ITGAL: variants seen among roughly 807,000 people sequenced by gnomAD.
ITGAL encodes integrin subunit alpha L, also known as integrin alpha-L.
Under a neutral mutation model 138.4 loss-of-function variants are expected in ITGAL, and 68 were observed. That is an observed-to-expected ratio of 0.49 (90% CI 0.40 to 0.60). ITGAL has a LOEUF of 0.60. ITGAL is among the 20% of genes least tolerant of loss of function. The pLI is 0.00. For missense variants in ITGAL, 1,256 were observed against 1,478.6 expected (o/e 0.85, Z 2.47); for synonymous variants, 561 against 584.3 (o/e 0.96, Z 0.57).
At position 30,517,629 on chromosome 16, in the gene ITGAL, G is replaced by A; in HGVS notation, c.2977-20G>A. ...CTGGGTTGGGGAGGCTCTAACTGAAGACCTGCCGCTTGTTCCTAGGAGCCT... is the reference window on the plus strand; with the variant it reads ...CTGGGTTGGGGAGGCTCTAACTGAAAACCTGCCGCTTGTTCCTAGGAGCCT... On this transcript the variant is annotated intron_variant, in intron 26 of 30. Transcript: ENST00000356798. The A allele has an allele frequency of 6.2e-7, 1 of 1,611,258 alleles. No individual in the cohort carries two copies. Among genetic ancestry groups the A allele is most frequent in the Non-Finnish European group, 8.5e-7 (1 of 1,177,484 alleles).
intron 11 of ITGAL, among the ~76,000 whole-genome samples, chr16:30,490,725 C>T (rs767985036): frequency 1.3e-5 from 2 of 152,046 alleles, no homozygotes; most frequent in Admixed American, 6.6e-5. Context: ...TTAAGGCTTC[C>T]TCCTCTTGAA....
intron 17 of ITGAL, among the ~76,000 whole-genome samples, chr16:30,502,822 T>G (rs1363586169): frequency 1.3e-5 from 2 of 151,940 alleles, no homozygotes; most frequent in Admixed American, 6.6e-5. Context: ...TTAAACTTTT[T>G]TTTTTTTTTG....
chr16:30,494,509 G>T lies in ITGAL; in HGVS notation c.1365+146G>T. On this transcript the variant is annotated intron_variant, in intron 12 of 30. Coordinates refer to ENST00000356798, the MANE Select transcript of ITGAL (RefSeq NM_002209.3). The surrounding 1 kb of genome is among the most constrained non-coding windows in gnomAD (Gnocchi z 4.2). ...CATTTATCCCTCATAACACACAGAG[G>T]TAAGCCCTGTCATCTCCCTCTCTAG... 9.0e-7 allele frequency: 1 copy of T among 1,105,136 alleles called. No homozygotes were observed. The highest frequency in any genetic ancestry group is 1.3e-6 in the Non-Finnish European group (1 of 789,394). The allele number at this position is 1,105,136 out of a possible 1,614,324, so 68.5% of individuals were successfully genotyped here.
intron 9 of ITGAL, among the ~76,000 whole-genome samples, chr16:30,485,360 G>A (rs1196304263): frequency 7.2e-6 from 1 of 139,310 alleles, no homozygotes; most frequent in Non-Finnish European, 1.5e-5. Flanking sequence ...CCGAGCAGCT[G>A]GGACTACAGG....
chr16:30,505,321 G>A (rs762281268), intron 19 of ITGAL, 21 bp downstream of exon 19: 5 of 1,613,300 alleles, frequency 3.1e-6, no homozygotes, highest in East Asian at 4.5e-5. Context: ...AGAAGGGGCA[G>A]GCAGAGAGGC....
intron 15 of ITGAL, 116 bp from the exon 16 acceptor site, chr16:30,498,958 T>C: frequency 1.3e-6 from 1 of 789,224 alleles, no homozygotes; most frequent in East Asian, 2.7e-5. Context: ...CAGTGACATG[T>C]TGAGGTCTGC....
In ITGAL at chr16:30,481,502, C is replaced by A; in HGVS notation, c.640C>A (p.Arg214=). 1 of 1,612,878 alleles carries A rather than the reference C, an allele frequency of 6.2e-7. No homozygotes were observed. The highest frequency in any genetic ancestry group is 1.1e-5 in the South Asian group (1 of 90,970). Residue 214 remains arginine, a synonymous_variant, in exon 7 of 31, where the codon CGG becomes AGG. Transcript: ENST00000356798. ...TEFDFSDYVK[R]KDPDALLKHV... ...ATTTGATTTCTCAGATTATGTTAAA[C>A]GGAAGGACCCTGATGCTCTGCTGAA... is the stretch of plus-strand genomic sequence containing the variant.
chr16:30,485,335 T>G (rs1343634731), intron 9 of ITGAL, among the ~76,000 whole-genome samples: 1 of 90,746 alleles, frequency 1.1e-5, no homozygotes, highest in Non-Finnish European at 2.2e-5. Flanking sequence ...CACGCCATTC[T>G]CCTGCCTCAG....
At chr16:30,507,839 T>C (rs2051026795) in intron 21 of ITGAL, among the ~76,000 whole-genome samples, 1 of 152,098 alleles carries the variant, frequency 6.6e-6, no homozygotes. Flanking sequence ...GCATAGACCA[T>C]ATTTTACCTA....
At chr16:30,495,110 C>T (rs113854752) in intron 13 of ITGAL, among the ~76,000 whole-genome samples, 7 of 152,246 alleles carry the variant, frequency 4.6e-5, no homozygotes, top group African/African-American at 1.7e-4. Flanking sequence ...CTGCAACCTC[C>T]ACCTCCCAGG....
chr16:30,485,327 C>T (rs1349339688), intron 9 of ITGAL, among the ~76,000 whole-genome samples: 8 of 152,138 alleles, frequency 5.3e-5, no homozygotes, highest in African/African-American at 1.9e-4. Flanking sequence ...CCCAGGCTCA[C>T]GCCATTCTCC....
chr16:30,502,760 A>AG (rs2050923264), intron 17 of ITGAL, among the ~76,000 whole-genome samples: 1 of 152,056 alleles, frequency 6.6e-6, no homozygotes, highest in Admixed American at 6.6e-5. Context: ...AAAAAAAAAA[A>AG]AAATTCATAT....
chr16:30,515,697 C>T (rs556407177), intron 25 of ITGAL, among the ~76,000 whole-genome samples: 2 of 152,062 alleles, frequency 1.3e-5, no homozygotes, highest in Non-Finnish European at 2.9e-5. Flanking sequence ...TCTGGTCAGG[C>T]GCGGTGGCTC....
intron 17 of ITGAL, among the ~76,000 whole-genome samples, chr16:30,503,550 G>A (rs2050938267): frequency 6.7e-6 from 1 of 149,386 alleles, no homozygotes; most frequent in African/African-American, 2.5e-5. Flanking sequence ...AGGAAGGGAG[G>A]GAGGGAGGGA....
At chr16:30,519,711 C>T (rs1597112328) in intron 29 of ITGAL, 146 bp from the exon 30 acceptor site, 2 of 676,744 alleles carry the variant, frequency 3.0e-6, no homozygotes, top group African/African-American at 1.8e-5. Flanking sequence ...CAATAGGTGA[C>T]GTGTTAAAGG....
intron 6 of ITGAL, among the ~76,000 whole-genome samples, 187 bp downstream of exon 6, chr16:30,479,648 C>CTTTTTTTTTTTTTT (rs59770529): frequency 1.4e-5 from 1 of 72,830 alleles, no homozygotes. Context: ...TTCTCATTTC[C>CTTTTTTTTTTTTTT]TTTTTTTTTT....
At chr16:30,478,099 G>A (rs2050497282) in intron 4 of ITGAL, among the ~76,000 whole-genome samples, 1 of 151,922 alleles carries the variant, frequency 6.6e-6, no homozygotes, top group Non-Finnish European at 1.5e-5. Context: ...CACTTTGGGA[G>A]GCCGAGGTGG....
intron 18 of ITGAL, among the ~76,000 whole-genome samples, 193 bp downstream of exon 18, chr16:30,504,457 C>T (rs1298012214): frequency 6.6e-6 from 1 of 151,998 alleles, no homozygotes; most frequent in African/African-American, 2.4e-5. Context: ...ACTAAAAATA[C>T]AAAGATTAGT....
intron 17 of ITGAL, among the ~76,000 whole-genome samples, chr16:30,503,615 G>A (rs1312982724): frequency 6.6e-6 from 1 of 151,356 alleles, no homozygotes; most frequent in Non-Finnish European, 1.5e-5. Flanking sequence ...AAAGAAAGAA[G>A]GAGAGAAGGA....
Sources: allele counts gnomAD v4.1 joint callset (sites outside exome capture counted in the v4.1 genomes callset), GRCh38; gene constraint gnomAD v4.1.1; non-coding constraint Gnocchi (gnomAD v3.1); transcripts MANE v1.5; gene names NCBI Gene and HGNC (gene_info 2026-07-23, HGNC 2026-07-21).